Variants in CBY1 observed in about 807,000 individuals in gnomAD.
CBY1 encodes the protein chibby 1, beta catenin antagonist, also known as protein chibby homolog 1.
CBY1 carries 10 observed loss-of-function variants against 15.6 expected under a neutral mutation model. The ratio of observed to expected loss-of-function variants is 0.64; its 90% confidence interval spans 0.40 to 1.09. The LOEUF (loss-of-function observed/expected upper bound fraction) is 1.09, where lower values mean the gene tolerates loss of function less well. Ranked by LOEUF, CBY1 falls within the 50% of genes least tolerant of loss-of-function variation. CBY1 has a pLI of 0.01. For missense variants in CBY1, 150 were observed against 160.5 expected (o/e 0.93, Z 0.35); for synonymous variants, 61 against 63.5 (o/e 0.96, Z 0.19).
In CBY1 at chr22:38,668,137, G is replaced by T. The variant is rs1325482808; in HGVS notation, c.78+5G>T. The T allele has an allele frequency of 1.9e-6, 3 of 1,569,564 alleles. No homozygotes were observed. The highest frequency in any genetic ancestry group is 2.6e-6 in the Non-Finnish European group (3 of 1,139,546). On this transcript the variant is annotated splice_donor_5th_base_variant and intron_variant, in intron 2 of 4. Transcript: ENST00000216029. ...TCTCTCTCCAACCTGCATTCTGTGA[G>T]TGTCGGTACTGGGGTCGGCCGGGTG...
At chr22:38,665,745 AAT>A in intron 1 of CBY1, 2 of 1,225,842 alleles carry the variant, frequency 1.6e-6, no homozygotes, top group South Asian at 8.3e-5. Context: ...GTTTTAAAAA[AAT>A]GTTTTGAGCC....
intron 1 of CBY1, among the ~76,000 whole-genome samples, chr22:38,659,242 T>A (rs2092414669): frequency 6.6e-6 from 1 of 151,090 alleles, no homozygotes; most frequent in Non-Finnish European, 1.5e-5. Context: ...GGCCTACAAT[T>A]GGTTTTTTTT....
chr22:38,659,659 G>A (rs529894510), intron 1 of CBY1, among the ~76,000 whole-genome samples: 109 of 151,852 alleles, frequency 7.2e-4, no homozygotes, highest in Admixed American at 3.1e-3. Context: ...TCAGGAGATC[G>A]AGACCATCCT....
At chr22:38,657,054 A>G (rs1034973286) in intron 1 of CBY1, 5 of 865,940 alleles carry the variant, frequency 5.8e-6, no homozygotes, top group East Asian at 1.2e-4. Flanking sequence ...TCTGCGTAAC[A>G]TGGCTACCTC....
At chr22:38,658,309 A>C (rs1009598798) in intron 1 of CBY1, among the ~76,000 whole-genome samples, 1 of 151,946 alleles carries the variant, frequency 6.6e-6, no homozygotes, top group African/African-American at 2.4e-5. Flanking sequence ...TATTTTTAGT[A>C]GAAACAGGGT....
chr22:38,669,265 C>T (rs1160453095), intron 2 of CBY1, among the ~76,000 whole-genome samples: 1 of 152,210 alleles, frequency 6.6e-6, no homozygotes, highest in African/African-American at 2.4e-5. Context: ...CTCACTCCAG[C>T]TCTCCTTCCT....
chr22:38,657,224 C>A, intron 1 of CBY1: 6 of 493,914 alleles, frequency 1.2e-5, no homozygotes, highest in Non-Finnish European at 1.6e-5. Flanking sequence ...TATCTGTGGA[C>A]TGGGAAGGCT....
chr22:38,667,776 AC>A, intron 1 of CBY1: 2 of 426,998 alleles, frequency 4.7e-6, no homozygotes, highest in Non-Finnish European at 8.4e-6. Context: ...GAGAAAACTA[AC>A]CTACTCCATG....
chr22:38,669,682 ACTTACCT>A (rs1335396011), intron 2 of CBY1: 1 of 152,248 alleles, frequency 6.6e-6, no homozygotes, highest in Non-Finnish European at 1.5e-5. Flanking sequence ...ACATTTGAGC[ACTTACCT>A]GAAGGTCTCC....
chr22:38,673,439 C>T lies in CBY1; in HGVS notation c.*203C>T, dbSNP rs554560271. ...TAGTAACTAGAAGGTGCTTCAGATG[C>T]ACTGCCTGCGGGTGCCAGTCTGAAA... On this transcript the variant is annotated 3_prime_UTR_variant, in exon 5 of 5. Coordinates refer to ENST00000216029, the MANE Select transcript of CBY1 (RefSeq NM_015373.4). The T allele has an allele frequency of 1.9e-5, 9 of 485,006 alleles. No individual in the cohort carries two copies. In the East Asian group the frequency reaches 3.3e-4, roughly 18 times the overall value. The allele number at this position is 485,006 out of a possible 1,614,324, so 30.0% of individuals were successfully genotyped here.
At chr22:38,669,894 C>A (rs1429863797) in intron 2 of CBY1, 1 of 152,030 alleles carries the variant, frequency 6.6e-6, no homozygotes, top group African/African-American at 2.4e-5. Context: ...GAGTTTGAGA[C>A]CAGCCTGGCC....
rs561753031 is a variant in CBY1, at chr22:38,664,497, A to G, written c.-38-3520A>G. ...AAAAAAAAAAAAAAAAGCAAAATAC[A>G]TGAATAAGCATGCCACAAAAAAATC... On this transcript the variant is annotated intron_variant, in intron 1 of 4. Coordinates refer to ENST00000216029, the MANE Select transcript of CBY1 (RefSeq NM_015373.4). 1.4e-3 allele frequency among the ~76,000 whole-genome samples: 205 copies of G among 151,728 alleles called. 1 individual carries two copies. Among genetic ancestry groups the G allele is most frequent in the Middle Eastern group, 3.4e-3 (1 of 292 alleles).
chr22:38,658,120 T>G (rs2092407740), intron 1 of CBY1, among the ~76,000 whole-genome samples: 1 of 151,986 alleles, frequency 6.6e-6, no homozygotes, highest in Admixed American at 6.6e-5. Flanking sequence ...ATCTCTTTCT[T>G]TCTTTTCTAT....
chr22:38,672,700 C>G (rs2092456690), intron 4 of CBY1, among the ~76,000 whole-genome samples: 1 of 152,052 alleles, frequency 6.6e-6, no homozygotes, highest in Admixed American at 6.6e-5. Context: ...GCCTGGCCGA[C>G]AGAGCGAGAC....
At chr22:38,657,211 CA>C (rs2092401625) in intron 1 of CBY1, 3 of 615,020 alleles carry the variant, frequency 4.9e-6, no homozygotes, top group Non-Finnish European at 6.1e-6. Flanking sequence ...TGATTAGTAT[CA>C]GTATCTGTGG....
At chr22:38,668,995 C>T (rs1459200815) in intron 2 of CBY1, among the ~76,000 whole-genome samples, 1 of 152,146 alleles carries the variant, frequency 6.6e-6, no homozygotes, top group Non-Finnish European at 1.5e-5. Flanking sequence ...ATACACCTGG[C>T]GGTCCCTCTA....
chr22:38,671,453 C>G (rs1413583460), intron 4 of CBY1: 4 of 414,626 alleles, frequency 9.6e-6, no homozygotes, highest in African/African-American at 8.0e-5. Context: ...TTATTTCTGT[C>G]AAGTCGGGAG....
chr22:38,670,229 C>G (rs2092448499), intron 2 of CBY1: 1 of 151,188 alleles, frequency 6.6e-6, no homozygotes, highest in South Asian at 2.1e-4. Context: ...GACTCCGTCT[C>G]AAAAAAAACC....
chr22:38,664,809 G>A (rs1427798210), intron 1 of CBY1, among the ~76,000 whole-genome samples: 1 of 152,076 alleles, frequency 6.6e-6, no homozygotes, highest in Non-Finnish European at 1.5e-5. Context: ...ACATATGCAT[G>A]TAGATATACA....
Sources: allele counts gnomAD v4.1 joint callset (sites outside exome capture counted in the v4.1 genomes callset), GRCh38; gene constraint gnomAD v4.1.1; transcripts MANE v1.5; gene names NCBI Gene and HGNC (gene_info 2026-07-23, HGNC 2026-07-21).